UNC79: variants seen among roughly 807,000 people sequenced by gnomAD.
UNC79 encodes the protein unc-79 subunit of NALCN channel complex.
In UNC79, 37 loss-of-function variants were observed where a neutral mutation model predicts 283.1. That is an observed-to-expected ratio of 0.13 (90% CI 0.10 to 0.17). The LOEUF is 0.17. UNC79 is among the 10% of genes least tolerant of loss of function. The pLI, the probability that UNC79 is intolerant of heterozygous loss-of-function variation, is 1.00. For missense variants in UNC79, 2,272 were observed against 3,211.1 expected (o/e 0.71, Z 7.07); for synonymous variants, 1,107 against 1,200.2 (o/e 0.92, Z 1.61).
intron 26 of UNC79, among the ~76,000 whole-genome samples, chr14:93,607,025 C>T (rs867779635): frequency 1.3e-5 from 2 of 152,114 alleles, no homozygotes; most frequent in African/African-American, 4.8e-5. Context: ...AGTAACTGCC[C>T]GTAGGAATTC....
intron 1 of UNC79, among the ~76,000 whole-genome samples, chr14:93,387,964 C>T (rs2054812253): frequency 6.6e-6 from 1 of 152,048 alleles, no homozygotes; most frequent in African/African-American, 2.4e-5. Flanking sequence ...CTGAATTGCC[C>T]CCTTTCTTAT....
intron 1 of UNC79, among the ~76,000 whole-genome samples, chr14:93,388,540 G>T (rs2054823999): frequency 6.6e-6 from 1 of 152,154 alleles, no homozygotes; most frequent in African/African-American, 2.4e-5. Flanking sequence ...AATAGATATT[G>T]CCTGATTAGT....
intron 1 of UNC79, among the ~76,000 whole-genome samples, chr14:93,368,674 G>A (rs923011272): frequency 2.6e-5 from 4 of 152,024 alleles, no homozygotes; most frequent in African/African-American, 9.7e-5. Context: ...GTCTTGCTAT[G>A]TTGCTCATGC....
At chr14:93,418,947 A>G (rs1054782913) in intron 1 of UNC79, among the ~76,000 whole-genome samples, 1 of 151,836 alleles carries the variant, frequency 6.6e-6, no homozygotes, top group Non-Finnish European at 1.5e-5. Flanking sequence ...TGACTAGGAA[A>G]GGGAACTCCC....
chr14:93,384,805 A>G (rs2054735699), intron 1 of UNC79, among the ~76,000 whole-genome samples: 1 of 152,258 alleles, frequency 6.6e-6, no homozygotes, highest in South Asian at 2.1e-4. Context: ...TAGTAGTTTC[A>G]TAGTTTGAGG....
intron 42 of UNC79, among the ~76,000 whole-genome samples, chr14:93,686,043 G>A (rs76044562): frequency 0.017 from 2,536 of 152,238 alleles, 64 homozygotes; most frequent in African/African-American, 0.054. Flanking sequence ...ATTTGCAAGC[G>A]ACTTGACTAG....
intron 14 of UNC79, among the ~76,000 whole-genome samples, chr14:93,557,646 G>A (rs1014190104): frequency 4.6e-5 from 7 of 152,108 alleles, no homozygotes; most frequent in African/African-American, 1.7e-4. Flanking sequence ...TGGTAGAGAT[G>A]GAGAGAGAGT....
intron 41 of UNC79, among the ~76,000 whole-genome samples, chr14:93,674,259 G>A (rs1049303760): frequency 4.6e-5 from 7 of 152,178 alleles, no homozygotes; most frequent in African/African-American, 1.2e-4. Flanking sequence ...GGTCACAAAC[G>A]ACTGGAGGGT....
intron 20 of UNC79, among the ~76,000 whole-genome samples, chr14:93,585,357 C>T (rs1238280980): frequency 1.3e-5 from 2 of 152,158 alleles, no homozygotes; most frequent in African/African-American, 4.8e-5. Context: ...GGTGCTCTGT[C>T]GACACGTGTT....
intron 2 of UNC79, among the ~76,000 whole-genome samples, chr14:93,470,314 A>G (rs1433724142): frequency 1.3e-5 from 2 of 152,206 alleles, no homozygotes; most frequent in Admixed American, 1.3e-4. Context: ...ACCTATTTCA[A>G]AAGGCAGAAA....
chr14:93,696,514 G>A (rs1379149918), intron 47 of UNC79, among the ~76,000 whole-genome samples: 4 of 152,138 alleles, frequency 2.6e-5, no homozygotes, highest in Non-Finnish European at 4.4e-5. Flanking sequence ...ATTATTCTAA[G>A]AGTTGTGTAC....
intron 12 of UNC79, among the ~76,000 whole-genome samples, chr14:93,539,135 T>G (rs1208102383): frequency 1.3e-5 from 2 of 149,204 alleles, no homozygotes; most frequent in Non-Finnish European, 3.0e-5. Flanking sequence ...ACTCCTGACC[T>G]CAGATGATCC....
intron 1 of UNC79, among the ~76,000 whole-genome samples, chr14:93,379,038 A>G (rs1326373828): frequency 3.3e-5 from 5 of 152,142 alleles, no homozygotes; most frequent in Non-Finnish European, 7.4e-5. Context: ...AGGAGGAGCA[A>G]AAGAGTATAA....
At chr14:93,523,567 C>G (rs2060420849) in intron 7 of UNC79, among the ~76,000 whole-genome samples, 1 of 152,176 alleles carries the variant, frequency 6.6e-6, no homozygotes, top group Admixed American at 6.5e-5. Context: ...GGTTCTAGTT[C>G]TAGCTTATCA....
chr14:93,376,772 A>C (rs2054567890), intron 1 of UNC79, among the ~76,000 whole-genome samples: 2 of 151,824 alleles, frequency 1.3e-5, no homozygotes, highest in Non-Finnish European at 2.9e-5. Context: ...TTTGTTACAA[A>C]AAATATACTC....
chr14:93,456,362 A>G (rs2056796909), intron 1 of UNC79, among the ~76,000 whole-genome samples: 1 of 152,196 alleles, frequency 6.6e-6, no homozygotes, highest in Non-Finnish European at 1.5e-5. Context: ...TGAATAGGAT[A>G]TGCTTTAAAT....
At chr14:93,657,039 C>T (rs1596264319) in intron 38 of UNC79, among the ~76,000 whole-genome samples, 1 of 152,108 alleles carries the variant, frequency 6.6e-6, no homozygotes, top group African/African-American at 2.4e-5. Context: ...ATGCAGGGAC[C>T]CTTAGCTCAG....
chr14:93,526,180 A>G (rs2060538351), intron 8 of UNC79, among the ~76,000 whole-genome samples: 1 of 152,062 alleles, frequency 6.6e-6, no homozygotes, highest in Non-Finnish European at 1.5e-5. Context: ...TTTTAATTCT[A>G]CACTTTGCAG....
intron 5 of UNC79, 83 bp downstream of exon 5, chr14:93,487,838 T>C (rs2058520022): frequency 1.5e-6 from 2 of 1,301,186 alleles, no homozygotes; most frequent in Non-Finnish European, 2.2e-6. Flanking sequence ...GATGTTCTCA[T>C]GTGAGAACGT....
Sources: allele counts gnomAD v4.1 joint callset (sites outside exome capture counted in the v4.1 genomes callset), GRCh38; gene constraint gnomAD v4.1.1; transcripts MANE v1.5; gene names NCBI Gene and HGNC (gene_info 2026-07-23, HGNC 2026-07-21).